IL10RB: variants seen among roughly 807,000 people sequenced by gnomAD.
The protein encoded by IL10RB is interleukin-10 receptor subunit beta.
Under a neutral mutation model 38.7 loss-of-function variants are expected in IL10RB, and 30 were observed. The ratio of observed to expected loss-of-function variants is 0.78; its 90% CI spans 0.58 to 1.05. IL10RB has a LOEUF of 1.05. Ranked by LOEUF, IL10RB falls within the 50% of genes least tolerant of loss-of-function variation. The probability of loss-of-function intolerance (pLI) is 0.00; values close to 1 mark genes in which losing one functional copy is unlikely to be tolerated. For synonymous variants in IL10RB, 142 were observed against 145.9 expected (o/e 0.97, Z 0.19); for missense variants, 328 against 397.1 (o/e 0.83, Z 1.48).
intron 1 of IL10RB, among the ~76,000 whole-genome samples, chr21:33,307,673 A>T (rs2834180): frequency 0.19 from 28,401 of 152,098 alleles, 2,813 homozygotes; most frequent in East Asian, 0.37. Flanking sequence ...TAAGCATGGA[A>T]CACTTTCTAT....
chr21:33,299,509 C>A (rs779310650), downstream of IL10RB, among the ~76,000 whole-genome samples: 2 of 152,334 alleles, frequency 1.3e-5, no homozygotes, highest in East Asian at 3.9e-4. Context: ...CTGGCTGCCT[C>A]GCCTTGTTGA....
chr21:33,279,751 G>C lies in IL10RB; in HGVS notation c.332-1G>C. 6.2e-7 allele frequency: 1 copy of C among 1,613,232 alleles called. No homozygotes were observed. Among genetic ancestry groups the C allele is most frequent in the Non-Finnish European group, 8.5e-7 (1 of 1,179,228 alleles). On this transcript the variant is annotated splice_acceptor_variant, in intron 3 of 6. Transcript: ENST00000290200. LOFTEE classifies it high-confidence loss of function. ...GTCATTTTGCTTGTTCTTCTGCTTA[G>C]CCATTATTGGACCCCCTGGAATGCA...
At chr21:33,308,449 T>C (rs574742735) in intron 1 of IL10RB, 1 of 152,332 alleles carries the variant, frequency 6.6e-6, no homozygotes, top group South Asian at 2.1e-4. Flanking sequence ...GAGATTGCTG[T>C]TTTATAAAAT....
intron 3 of IL10RB, among the ~76,000 whole-genome samples, chr21:33,277,668 C>CTTTTTTTTTTTTTTTTTTTTTTTT (rs1216043179): frequency 2.2e-5 from 2 of 92,980 alleles, no homozygotes; most frequent in South Asian, 4.2e-4. Context: ...TTCTTTCTTT[C>CTTTTTTTTTTTTTTTTTTTTTTTT]TTTTTTTTTT....
chr21:33,285,264 T>C (rs1334783219), intron 5 of IL10RB, among the ~76,000 whole-genome samples: 1 of 152,112 alleles, frequency 6.6e-6, no homozygotes, highest in Non-Finnish European at 1.5e-5. Context: ...CTTGCCCAAA[T>C]GCTAGTAAAT....
Position 33,296,605 on chromosome 21 carries a change from G to C in IL10RB, c.*248G>C. The C allele has an allele frequency of 3.1e-6, 2 of 642,310 alleles. No homozygotes were observed. The highest frequency in any genetic ancestry group is 1.5e-5 in the South Asian group (1 of 66,158). 39.8% of individuals were successfully genotyped at this position (642,310 alleles called of 1,614,324 possible). Reference sequence around the variant, plus strand: ...GATGTTTTCAGAAGTTGGCCACTGAGAGTGTAATTTTCAGCCTTTTATATC... The same window carrying C: ...GATGTTTTCAGAAGTTGGCCACTGACAGTGTAATTTTCAGCCTTTTATATC... On this transcript the variant is annotated 3_prime_UTR_variant, in exon 7 of 7. Transcript: ENST00000290200.
At chr21:33,276,022 G>A (rs1989163506) in intron 2 of IL10RB, among the ~76,000 whole-genome samples, 1 of 152,232 alleles carries the variant, frequency 6.6e-6, no homozygotes, top group Admixed American at 6.5e-5. Context: ...GACATGAAGT[G>A]AGCATGTGCT....
At chr21:33,305,006 C>T (rs534175268) in intron 1 of IL10RB, among the ~76,000 whole-genome samples, 1 of 152,272 alleles carries the variant, frequency 6.6e-6, no homozygotes, top group Non-Finnish European at 1.5e-5. Flanking sequence ...ACATAATGAG[C>T]AAAGGCTGTC....
chr21:33,281,717 T>C (rs2843707), intron 4 of IL10RB, among the ~76,000 whole-genome samples: 73,030 of 151,986 alleles, frequency 0.48, 18,255 homozygotes, highest in African/African-American at 0.62. Flanking sequence ...CAAGTAGCTG[T>C]GATTACAGGC....
chr21:33,305,688 A>G (rs2082997301), intron 1 of IL10RB, among the ~76,000 whole-genome samples: 1 of 152,220 alleles, frequency 6.6e-6, no homozygotes, highest in Non-Finnish European at 1.5e-5. Context: ...CACAGGGGTC[A>G]GCCACACAGC....
Position 33,287,084 on chromosome 21 carries a change from G to A in IL10RB, c.647-1020G>A, listed in dbSNP as rs186852950. On this transcript the variant is annotated intron_variant, in intron 5 of 6. Coordinates refer to ENST00000290200, the MANE Select transcript of IL10RB (RefSeq NM_000628.5). ...CCTGATGATTTCAAAAGAATGGCTC[G>A]CAGATCATTGAGAAAAATATCCCTG... 3.3e-5 allele frequency among the ~76,000 whole-genome samples: 5 copies of A among 152,032 alleles called. No individual in the cohort carries two copies. In the East Asian group the frequency reaches 7.7e-4, roughly 24 times the overall value.
chr21:33,268,197 C>A (rs1201917388), intron 1 of IL10RB, 197 bp from the exon 2 acceptor site: 2 of 1,475,638 alleles, frequency 1.4e-6, no homozygotes, highest in African/African-American at 2.8e-5. Flanking sequence ...ACTCCTGCCC[C>A]TCCAGAAATT....
rs2082968483 is a variant in IL10RB at position 33,296,630 on chromosome 21, C to T, written c.*273C>T. Reference sequence around the variant, plus strand: ...GAGTGTAATTTTCAGCCTTTTATATCACTAAAATAAGATCATGTTTTAATT... The same window carrying T: ...GAGTGTAATTTTCAGCCTTTTATATTACTAAAATAAGATCATGTTTTAATT... On this transcript the variant is annotated 3_prime_UTR_variant, in exon 7 of 7. Transcript: ENST00000290200. 5.1e-6 allele frequency: 3 copies of T among 582,598 alleles called. No homozygotes were observed. The highest frequency in any genetic ancestry group is 2.7e-4 in the Middle Eastern group (1 of 3,652). 36.1% of individuals were successfully genotyped at this position (582,598 alleles called of 1,614,324 possible). A position where few individuals can be genotyped will look rare whatever the true frequency, so the allele number is the denominator to read the frequency against.
rs953416074 is a variant in IL10RB at position 33,270,778 on chromosome 21, G to T, written c.173+2261G>T. 6.0e-4 allele frequency among the ~76,000 whole-genome samples: 89 copies of T among 148,038 alleles called. 1 individual carries two copies. Among genetic ancestry groups the T allele is most frequent in the African/African-American group, 2.1e-3 (85 of 40,000 alleles). On this transcript the variant is annotated intron_variant, in intron 2 of 6. Transcript: ENST00000290200. Reference sequence around the variant, plus strand: ...CAGCCTCCACCTCCTGGGTTCAAGCGATTCTCCTGCCTCAGCCTCCTGAGT... The same window carrying T: ...CAGCCTCCACCTCCTGGGTTCAAGCTATTCTCCTGCCTCAGCCTCCTGAGT...
intron 2 of IL10RB, among the ~76,000 whole-genome samples, chr21:33,269,250 G>A (rs1393141855): frequency 6.6e-6 from 1 of 152,222 alleles, no homozygotes. Context: ...CCTGGTGAAG[G>A]AAGTCAGTGC....
At chr21:33,277,638 C>T (rs1475058945) in intron 3 of IL10RB, among the ~76,000 whole-genome samples, 5 of 149,036 alleles carry the variant, frequency 3.4e-5, no homozygotes, top group African/African-American at 1.2e-4. Flanking sequence ...CACTTGAGCC[C>T]AGGAATTTTC....
intron 4 of IL10RB, among the ~76,000 whole-genome samples, chr21:33,280,567 C>T (rs1989261731): frequency 6.6e-6 from 1 of 152,154 alleles, no homozygotes; most frequent in African/African-American, 2.4e-5. Context: ...TATATATGGT[C>T]AGTACATCAG....
At chr21:33,278,859 C>T (rs1302793763) in intron 3 of IL10RB, among the ~76,000 whole-genome samples, 1 of 152,182 alleles carries the variant, frequency 6.6e-6, no homozygotes, top group Non-Finnish European at 1.5e-5. Context: ...CCATTAACAG[C>T]CCTGAAAAAG....
intron 1 of IL10RB, among the ~76,000 whole-genome samples, chr21:33,307,566 C>T (rs1054875892): frequency 7.9e-5 from 12 of 152,162 alleles, no homozygotes; most frequent in Admixed American, 5.9e-4. Flanking sequence ...GCTCCTTTGG[C>T]ATTTGAGGGC....
Sources: allele counts gnomAD v4.1 joint callset (sites outside exome capture counted in the v4.1 genomes callset), GRCh38; gene constraint gnomAD v4.1.1; transcripts MANE v1.5; gene names NCBI Gene and HGNC (gene_info 2026-07-23, HGNC 2026-07-21).